TCF4: variants seen among roughly 807,000 people sequenced by gnomAD.
TCF4 encodes SL3-3 enhancer factor 2.
A neutral mutation model predicts 82.1 loss-of-function variants in TCF4; 3 were observed. That is an observed-to-expected ratio of 0.04 (90% CI 0.02 to 0.09). TCF4 has a LOEUF of 0.09. Among genes scored for constraint, TCF4 ranks in the 10% least tolerant of loss-of-function variants. The pLI is 1.00. For missense variants in TCF4, 518 were observed against 852.7 expected (o/e 0.61, Z 4.89); for synonymous variants, 276 against 309.6 (o/e 0.89, Z 1.14).
intron 8 of TCF4, chr18:55,322,349 T>C (rs1279313336): frequency 1.0e-6 from 1 of 1,000,210 alleles, no homozygotes; most frequent in Non-Finnish European, 1.2e-6. Flanking sequence ...CTGTCTCTGC[T>C]GCTGGCTAGC....
At position 55,227,903 on chromosome 18, in the gene TCF4, A is replaced by G. The variant is rs532322265; in HGVS notation, c.*132T>C. 10 of 266,722 alleles carry G rather than the reference A, an allele frequency of 3.7e-5. No individual in the cohort carries two copies. Among genetic ancestry groups the G allele is most frequent in the South Asian group, 2.9e-4 (6 of 21,044 alleles). 16.5% of individuals were successfully genotyped at this position (266,722 alleles called of 1,614,324 possible). ...CTGAAACCTCTTGCGTCTGCGATTC[A>G]TAACTACTCAGACTTGTCTTATATT... is the stretch of plus-strand genomic sequence containing the variant. On this transcript the variant is annotated 3_prime_UTR_variant, in exon 20 of 20. Transcript: ENST00000354452.
chr18:55,631,137 C>T (rs1280865163), intron 2 of TCF4, among the ~76,000 whole-genome samples: 1 of 151,188 alleles, frequency 6.6e-6, no homozygotes, highest in Non-Finnish European at 1.5e-5. Flanking sequence ...GCAACCTCTG[C>T]CTCCTGGGTT....
intron 3 of TCF4, among the ~76,000 whole-genome samples, chr18:55,541,318 T>G (rs1396789889): frequency 6.6e-6 from 1 of 152,008 alleles, no homozygotes; most frequent in Non-Finnish European, 1.5e-5. Flanking sequence ...ATAATCACAA[T>G]CACTATAAAT....
chr18:55,461,226 A>G, intron 4 of TCF4, 111 bp from the exon 5 acceptor site: 1 of 840,686 alleles, frequency 1.2e-6, no homozygotes, highest in South Asian at 1.5e-5. Context: ...GGAGTCCACT[A>G]TTCCCTCCCT....
chr18:55,305,755 C>T (rs2070086877), intron 8 of TCF4, among the ~76,000 whole-genome samples: 1 of 152,072 alleles, frequency 6.6e-6, no homozygotes, highest in African/African-American at 2.4e-5. Flanking sequence ...TTTTTTGTAA[C>T]TTCACCCAAA....
chr18:55,583,876 A>G (rs568842193), intron 3 of TCF4, among the ~76,000 whole-genome samples: 1 of 152,238 alleles, frequency 6.6e-6, no homozygotes, highest in African/African-American at 2.4e-5. Context: ...AAAGTTGCAT[A>G]GAGGATACCA....
chr18:55,463,032 C>G (rs879494111), intron 4 of TCF4, among the ~76,000 whole-genome samples: 5 of 152,142 alleles, frequency 3.3e-5, no homozygotes, highest in Admixed American at 3.3e-4. Flanking sequence ...GGAACCTTCC[C>G]CCAACCCAAA....
chr18:55,515,115 C>T (rs1415701631), intron 3 of TCF4, among the ~76,000 whole-genome samples: 3 of 152,120 alleles, frequency 2.0e-5, no homozygotes, highest in Admixed American at 2.0e-4. Context: ...AGACAGTTAC[C>T]TGTTCTTGTT....
chr18:55,287,424 T>A (rs902760078), intron 8 of TCF4, among the ~76,000 whole-genome samples: 3 of 152,196 alleles, frequency 2.0e-5, no homozygotes, highest in African/African-American at 7.2e-5. Flanking sequence ...CCAAGAGGCG[T>A]TTTCCCCTTC....
At chr18:55,438,306 A>G (rs1000764687) in intron 5 of TCF4, among the ~76,000 whole-genome samples, 24 of 147,822 alleles carry the variant, frequency 1.6e-4, no homozygotes, top group African/African-American at 5.8e-4. Context: ...TCACTCAGCC[A>G]TTGAGGTGGG....
chr18:55,229,470 CTTTATG>C (rs1482776006), intron 17 of TCF4: 1 of 221,322 alleles, frequency 4.5e-6, no homozygotes, highest in African/African-American at 2.3e-5. Flanking sequence ...TTCAAAAAGA[CTTTATG>C]TTTATACTTT....
intron 8 of TCF4, among the ~76,000 whole-genome samples, chr18:55,300,378 G>A (rs1300120519): frequency 5.3e-5 from 8 of 151,116 alleles, no homozygotes; most frequent in South Asian, 2.1e-4. Flanking sequence ...TGTTCCTGGC[G>A]GTCATTTGGA....
chr18:55,328,154 CAA>C (rs2076897720), intron 8 of TCF4, among the ~76,000 whole-genome samples: 1 of 152,120 alleles, frequency 6.6e-6, no homozygotes, highest in Non-Finnish European at 1.5e-5. Flanking sequence ...ACATTTGACT[CAA>C]AGTGAAATTC....
intron 15 of TCF4, among the ~76,000 whole-genome samples, chr18:55,239,609 T>C (rs932606302): frequency 5.3e-5 from 8 of 152,226 alleles, no homozygotes; most frequent in African/African-American, 1.4e-4. Flanking sequence ...TTTTTCTTTA[T>C]TGCAGGGGGA....
chr18:55,527,954 G>A (rs2097009296), intron 3 of TCF4, among the ~76,000 whole-genome samples: 1 of 152,124 alleles, frequency 6.6e-6, no homozygotes, highest in African/African-American at 2.4e-5. Flanking sequence ...CAGCCAATTT[G>A]GGAGAAAAAG....
chr18:55,240,549 C>T (rs953400151), intron 15 of TCF4, among the ~76,000 whole-genome samples: 4 of 152,160 alleles, frequency 2.6e-5, no homozygotes, highest in Non-Finnish European at 5.9e-5. Context: ...AGGTGGGAAG[C>T]GGTCATGCAA....
At chr18:55,375,459 G>T (rs1230170951) in intron 6 of TCF4, among the ~76,000 whole-genome samples, 4 of 151,982 alleles carry the variant, frequency 2.6e-5, no homozygotes, top group African/African-American at 9.7e-5. Context: ...AACACTAGAA[G>T]ATTCTTTGCT....
intron 5 of TCF4, among the ~76,000 whole-genome samples, chr18:55,429,770 A>AAG (rs1048931203): frequency 1.4e-4 from 21 of 148,528 alleles, no homozygotes; most frequent in Non-Finnish European, 2.8e-4. Flanking sequence ...ATCTCAAAAA[A>AAG]AAAAAAAAAA....
chr18:55,251,920 G>A (rs1787794), intron 15 of TCF4, among the ~76,000 whole-genome samples: 1 of 146,432 alleles, frequency 6.8e-6, no homozygotes, highest in Non-Finnish European at 1.5e-5. Context: ...TTGTGGGGAA[G>A]GGGGATGAGG....
Sources: gnomAD v4.1 joint callset for allele counts (sites outside exome capture counted in the v4.1 genomes callset) on GRCh38, gnomAD v4.1.1 for gene constraint, MANE v1.5 for transcripts, NCBI Gene and HGNC (gene_info 2026-07-23, HGNC 2026-07-21) for gene names.